SBF2: variants seen among roughly 807,000 people sequenced by gnomAD.
SBF2 encodes myotubularin-related protein 13.
SBF2 carries 112 observed loss-of-function variants against 225.2 expected under a neutral mutation model. That is an observed-to-expected ratio of 0.50 (90% confidence interval 0.43 to 0.58). The LOEUF is 0.58. Among genes scored for constraint, SBF2 ranks in the 20% least tolerant of loss-of-function variants. The pLI, the probability that SBF2 is intolerant of heterozygous loss-of-function variation, is 0.00. For missense variants in SBF2, 1,996 were observed against 2,206.2 expected, an observed-to-expected ratio of 0.90 and a Z score of 1.91; for synonymous variants, 763 against 773.3, an observed-to-expected ratio of 0.99 and a Z score of 0.22.
intron 2 of SBF2, among the ~76,000 whole-genome samples, chr11:10,068,800 T>C (rs952290048): frequency 1.3e-5 from 2 of 152,188 alleles, no homozygotes; most frequent in Non-Finnish European, 2.9e-5. Context: ...ATTCACAGCA[T>C]TGTTGCCCTC....
intron 17 of SBF2, among the ~76,000 whole-genome samples, chr11:9,885,873 C>A (rs1348511324): frequency 2.6e-5 from 4 of 152,156 alleles, no homozygotes; most frequent in African/African-American, 9.7e-5. Context: ...TCACACAGGA[C>A]AACCTCCGTA....
At chr11:9,871,835 G>T in intron 17 of SBF2, among the ~76,000 whole-genome samples, 1 of 152,166 alleles carries the variant, frequency 6.6e-6, no homozygotes, top group South Asian at 2.1e-4. Flanking sequence ...TGTTGGTGAG[G>T]TTGCACAGTA....
At chr11:9,994,746 C>G (rs1156373880) in intron 9 of SBF2, among the ~76,000 whole-genome samples, 1 of 151,640 alleles carries the variant, frequency 6.6e-6, no homozygotes, top group Non-Finnish European at 1.5e-5. Flanking sequence ...TTAAAAATTA[C>G]TGAGGAGAGG....
At chr11:10,157,167 A>C (rs908773037) in intron 2 of SBF2, among the ~76,000 whole-genome samples, 1 of 152,206 alleles carries the variant, frequency 6.6e-6, no homozygotes, top group Non-Finnish European at 1.5e-5. Context: ...AGCCCTGGGG[A>C]AAGGATTCCC....
At chr11:9,901,478 A>G (rs4409812) in intron 16 of SBF2, among the ~76,000 whole-genome samples, 128,388 of 152,086 alleles carry the variant, frequency 0.84, 54,516 homozygotes, top group African/African-American at 0.87. Context: ...AAGGGAGGTC[A>G]GACACGCCCC....
At chr11:9,986,656 A>T (rs1947208422) in intron 13 of SBF2, among the ~76,000 whole-genome samples, 1 of 152,160 alleles carries the variant, frequency 6.6e-6, no homozygotes, top group Non-Finnish European at 1.5e-5. Context: ...ACCTTTACGC[A>T]CATAAACTAG....
intron 17 of SBF2, among the ~76,000 whole-genome samples, chr11:9,871,409 C>T (rs12365901): frequency 0.26 from 38,875 of 150,820 alleles, 5,838 homozygotes; most frequent in African/African-American, 0.41. Context: ...CATCACTGAT[C>T]ATTAGAGAAA....
intron 1 of SBF2, among the ~76,000 whole-genome samples, chr11:10,299,645 G>C (rs1400474802): frequency 6.6e-6 from 1 of 152,022 alleles, no homozygotes; most frequent in Admixed American, 6.5e-5. Flanking sequence ...AGAGCAGGCC[G>C]TGTGCTACTG....
chr11:10,191,267 C>A lies in SBF2; in HGVS notation c.141+2635G>T, dbSNP rs1009675572. Among the ~76,000 whole-genome samples the A allele has an allele frequency of 2.0e-5, 3 of 152,164 alleles. No individual in the cohort carries two copies. The South Asian group carries it at 6.2e-4, about 32-fold the overall frequency. ...TAGACTAAAATTTTATTATATCTAT[C>A]TTTGGTCTTGAAGCCGCAGGGTTAC... On this transcript the variant is annotated intron_variant, in intron 2 of 39. Coordinates refer to ENST00000256190, the MANE Select transcript of SBF2 (RefSeq NM_030962.4).
At chr11:9,837,595 T>G (rs1203708527) in intron 26 of SBF2, among the ~76,000 whole-genome samples, 1 of 152,254 alleles carries the variant, frequency 6.6e-6, no homozygotes, top group Non-Finnish European at 1.5e-5. Flanking sequence ...AACCATCCTT[T>G]CTTACTGCTT....
At chr11:10,132,420 G>A (rs988329997) in intron 2 of SBF2, among the ~76,000 whole-genome samples, 4 of 151,666 alleles carry the variant, frequency 2.6e-5, no homozygotes, top group Non-Finnish European at 5.9e-5. Flanking sequence ...CGTGTCTGGA[G>A]TCTGTCCCTT....
At chr11:10,241,587 A>C (rs1011474404) in intron 1 of SBF2, among the ~76,000 whole-genome samples, 3 of 152,198 alleles carry the variant, frequency 2.0e-5, no homozygotes, top group Non-Finnish European at 4.4e-5. Context: ...AATCAAAATC[A>C]GGAAACATTA....
intron 14 of SBF2, among the ~76,000 whole-genome samples, chr11:9,967,863 C>T (rs1010794348): frequency 1.0e-4 from 15 of 150,650 alleles, no homozygotes; most frequent in Admixed American, 4.6e-4. Flanking sequence ...TACGGTGAGC[C>T]GAGATCACAC....
chr11:10,030,436 G>A (rs900501989), intron 4 of SBF2, among the ~76,000 whole-genome samples: 26 of 152,126 alleles, frequency 1.7e-4, no homozygotes, highest in Non-Finnish European at 3.4e-4. Flanking sequence ...TTTGCTTGGA[G>A]TTACGCATTG....
chr11:10,046,800 T>A (rs1408224673), intron 2 of SBF2, among the ~76,000 whole-genome samples: 1 of 146,748 alleles, frequency 6.8e-6, no homozygotes, highest in Non-Finnish European at 1.5e-5. Context: ...AAATAAAAAG[T>A]ATATATATTG....
intron 8 of SBF2, 152 bp from the exon 9 acceptor site, chr11:9,998,531 C>G: frequency 1.7e-6 from 1 of 599,454 alleles, no homozygotes; most frequent in Non-Finnish European, 2.9e-6. Context: ...CTAACAAGTT[C>G]CCACCTACCC....
At chr11:9,990,882 C>G (rs1348523352) in intron 12 of SBF2, among the ~76,000 whole-genome samples, 1 of 152,110 alleles carries the variant, frequency 6.6e-6, no homozygotes, top group Non-Finnish European at 1.5e-5. Context: ...GTATGAAGAA[C>G]AGAGGAGGGC....
At chr11:9,909,145 T>C (rs1269212356) in intron 16 of SBF2, among the ~76,000 whole-genome samples, 2 of 152,174 alleles carry the variant, frequency 1.3e-5, no homozygotes, top group Admixed American at 6.5e-5. Flanking sequence ...AAAGCTATTT[T>C]ACAAATACAG....
intron 2 of SBF2, among the ~76,000 whole-genome samples, chr11:10,150,545 C>A (rs555320210): frequency 1.6e-4 from 25 of 152,122 alleles, no homozygotes; most frequent in African/African-American, 6.0e-4. Flanking sequence ...GTTTTAAAAT[C>A]TATTTCAAAG....
Sources: gnomAD v4.1 joint callset for allele counts (sites outside exome capture counted in the v4.1 genomes callset) on GRCh38, gnomAD v4.1.1 for gene constraint, MANE v1.5 for transcripts, NCBI Gene and HGNC (gene_info 2026-07-23, HGNC 2026-07-21) for gene names.